PLCB1: variants seen among roughly 807,000 people sequenced by gnomAD.
PLCB1 encodes the protein 1-phosphatidylinositol 4,5-bisphosphate phosphodiesterase beta-1.
Under a neutral mutation model 161.8 loss-of-function variants are expected in PLCB1, and 46 were observed. The observed-to-expected ratio is 0.28, with a 90% CI of 0.22 to 0.36. The LOEUF is 0.36. Ranked by LOEUF, PLCB1 falls within the 10% of genes least tolerant of loss-of-function variation. The pLI is 1.00. For synonymous variants in PLCB1, 517 were observed against 503.7 expected (o/e 1.03, Z -0.35); for missense variants, 1,016 against 1,472.5 (o/e 0.69, Z 5.07).
intron 3 of PLCB1, among the ~76,000 whole-genome samples, chr20:8,600,964 C>T (rs1432373841): frequency 6.6e-6 from 1 of 152,174 alleles, no homozygotes; most frequent in African/African-American, 2.4e-5. Context: ...TCAGCTCGCG[C>T]ACGGTGCGCG....
At chr20:8,677,269 A>G (rs949261761) in intron 9 of PLCB1, among the ~76,000 whole-genome samples, 1 of 151,934 alleles carries the variant, frequency 6.6e-6, no homozygotes, top group Non-Finnish European at 1.5e-5. Context: ...ATGGTGGTGC[A>G]TGCCTGTAAT....
At chr20:8,421,138 A>C (rs1979521630) in intron 3 of PLCB1, among the ~76,000 whole-genome samples, 1 of 152,108 alleles carries the variant, frequency 6.6e-6, no homozygotes, top group South Asian at 2.1e-4. Flanking sequence ...GAATTATAGA[A>C]CCTGATCGTT....
intron 3 of PLCB1, among the ~76,000 whole-genome samples, chr20:8,496,745 A>T (rs1397639785): frequency 1.3e-5 from 2 of 152,226 alleles, no homozygotes; most frequent in Non-Finnish European, 2.9e-5. Context: ...GGCAGAGCAG[A>T]TCATAAGTCA....
intron 2 of PLCB1, among the ~76,000 whole-genome samples, chr20:8,156,020 T>C (rs2051556644): frequency 6.6e-6 from 1 of 152,148 alleles, no homozygotes; most frequent in African/African-American, 2.4e-5. Context: ...TTCACCAGTA[T>C]TGATGATATT....
chr20:8,406,650 C>CA (rs1978799490), intron 3 of PLCB1, among the ~76,000 whole-genome samples: 1 of 152,116 alleles, frequency 6.6e-6, no homozygotes, highest in Admixed American at 6.5e-5. Context: ...GCCTGTCGAG[C>CA]AGAGAGCCCT....
chr20:8,794,795 C>T (rs1361499282), intron 31 of PLCB1, among the ~76,000 whole-genome samples: 1 of 128,822 alleles, frequency 7.8e-6, no homozygotes, highest in Non-Finnish European at 1.7e-5. Flanking sequence ...GGTAAATAAA[C>T]AACTCCTTTG....
chr20:8,467,087 G>T (rs1421690720), intron 3 of PLCB1, among the ~76,000 whole-genome samples: 1 of 152,060 alleles, frequency 6.6e-6, no homozygotes, highest in Non-Finnish European at 1.5e-5. Context: ...TTATAGGCAT[G>T]TGCCACCATG....
chr20:8,492,024 A>G (rs1982967168), intron 3 of PLCB1, among the ~76,000 whole-genome samples: 1 of 152,132 alleles, frequency 6.6e-6, no homozygotes, highest in Non-Finnish European at 1.5e-5. Context: ...CAGTAAGTAG[A>G]AATAACAAAA....
At chr20:8,869,555 G>T (rs1406624565) in intron 31 of PLCB1, among the ~76,000 whole-genome samples, 2 of 152,158 alleles carry the variant, frequency 1.3e-5, no homozygotes, top group African/African-American at 2.4e-5. Context: ...CTGGAAAATG[G>T]TAAACAACTC....
chr20:8,788,729 C>G lies in PLCB1; in HGVS notation c.3278+7C>G, dbSNP rs1983609518. ...ACAAAAGTCAGATGGAAGAGTAAGTCAAAAGTGTCCCCTCTCCCAAACAGT... is the reference window on the plus strand; with the variant it reads ...ACAAAAGTCAGATGGAAGAGTAAGTGAAAAGTGTCCCCTCTCCCAAACAGT... On this transcript the variant is annotated splice_region_variant and intron_variant, in intron 29 of 31. Coordinates refer to ENST00000338037, the MANE Select transcript of PLCB1 (RefSeq NM_015192.4). 6.4e-7 allele frequency: 1 copy of G among 1,558,084 alleles called. No individual in the cohort carries two copies. The highest frequency in any genetic ancestry group is 1.4e-5 in the African/African-American group (1 of 73,604).
chr20:8,299,889 T>G (rs1983817600), intron 2 of PLCB1, among the ~76,000 whole-genome samples: 1 of 152,220 alleles, frequency 6.6e-6, no homozygotes, highest in South Asian at 2.1e-4. Flanking sequence ...TTAACTTGGC[T>G]CACTGCTCCT....
chr20:8,572,978 A>G (rs1986568288), intron 3 of PLCB1, among the ~76,000 whole-genome samples: 1 of 152,190 alleles, frequency 6.6e-6, no homozygotes. Flanking sequence ...GAGACCACCT[A>G]CAGGGAGTGT....
intron 2 of PLCB1, among the ~76,000 whole-genome samples, chr20:8,254,915 G>A (rs1044307104): frequency 2.6e-5 from 4 of 151,984 alleles, no homozygotes; most frequent in Non-Finnish European, 4.4e-5. Flanking sequence ...TTAACCCAAT[G>A]GAGGTTTGAA....
intron 2 of PLCB1, among the ~76,000 whole-genome samples, chr20:8,308,442 C>A (rs988923692): frequency 1.3e-5 from 2 of 151,428 alleles, no homozygotes; most frequent in Admixed American, 6.6e-5. Context: ...CATGGTGAAA[C>A]CCTCTCTCTA....
chr20:8,263,327 G>A (rs1410686988), intron 2 of PLCB1, among the ~76,000 whole-genome samples: 6 of 148,482 alleles, frequency 4.0e-5, no homozygotes, highest in Admixed American at 3.3e-4. Context: ...AAAAGGAGAT[G>A]CTGAGCATAT....
At chr20:8,764,144 G>A (rs529138305) in intron 25 of PLCB1, among the ~76,000 whole-genome samples, 38 of 152,170 alleles carry the variant, frequency 2.5e-4, no homozygotes, top group African/African-American at 8.4e-4. Flanking sequence ...TCCAGCCTGC[G>A]CAACAGAGCA....
At chr20:8,240,310 A>G (rs1382362282) in intron 2 of PLCB1, among the ~76,000 whole-genome samples, 4 of 146,354 alleles carry the variant, frequency 2.7e-5, no homozygotes, top group African/African-American at 7.4e-5. Flanking sequence ...ACACACGCAC[A>G]CACACACACA....
intron 31 of PLCB1, among the ~76,000 whole-genome samples, chr20:8,818,113 G>C (rs931378930): frequency 2.6e-5 from 4 of 152,158 alleles, no homozygotes; most frequent in African/African-American, 4.8e-5. Context: ...GAGATTATCT[G>C]AAGAGGTTAT....
chr20:8,319,805 T>C (rs912013603), intron 2 of PLCB1, among the ~76,000 whole-genome samples: 4 of 137,786 alleles, frequency 2.9e-5, no homozygotes, highest in Non-Finnish European at 6.1e-5. Context: ...CCAGCATACA[T>C]AATGTCACTA....
Sources: gnomAD v4.1 joint callset for allele counts (sites outside exome capture counted in the v4.1 genomes callset) on GRCh38, gnomAD v4.1.1 for gene constraint, MANE v1.5 for transcripts, NCBI Gene and HGNC (gene_info 2026-07-23, HGNC 2026-07-21) for gene names.